HLCS: variants seen among roughly 807,000 people sequenced by gnomAD.
HLCS encodes the protein holocarboxylase synthetase.
A neutral mutation model predicts 75.0 loss-of-function variants in HLCS; 53 were observed. That is an observed-to-expected ratio of 0.71 (90% CI 0.57 to 0.89). The LOEUF is 0.89. HLCS is among the 40% of genes least tolerant of loss of function. The pLI is 0.00. For synonymous variants in HLCS, 431 were observed against 428.6 expected (o/e 1.01, Z -0.07); for missense variants, 966 against 1,074.0 (o/e 0.90, Z 1.41).
intron 6 of HLCS, among the ~76,000 whole-genome samples, chr21:36,832,623 A>C (rs572493332): frequency 6.6e-6 from 1 of 152,342 alleles, no homozygotes; most frequent in South Asian, 2.1e-4. Flanking sequence ...AAGGCATAGA[A>C]AGGTTAAGTG....
intron 6 of HLCS, among the ~76,000 whole-genome samples, chr21:36,834,579 C>T (rs3787762): frequency 0.1 from 15,363 of 151,908 alleles, 906 homozygotes; most frequent in South Asian, 0.16. Flanking sequence ...TTTTTTGAGA[C>T]GGAGTCTCAC....
intron 6 of HLCS, among the ~76,000 whole-genome samples, chr21:36,815,434 C>T (rs1038706931): frequency 1.3e-5 from 2 of 152,202 alleles, no homozygotes; most frequent in Non-Finnish European, 2.9e-5. Flanking sequence ...GTCATCCACA[C>T]TAAGACATGA....
At chr21:36,989,729 C>T (rs911176618) in intron 1 of HLCS, among the ~76,000 whole-genome samples, 1 of 152,224 alleles carries the variant, frequency 6.6e-6, no homozygotes, top group Non-Finnish European at 1.5e-5. Flanking sequence ...AGGTCCTAGT[C>T]AACCGTGCTT....
chr21:36,905,894 T>C (rs2146372711), intron 5 of HLCS, among the ~76,000 whole-genome samples: 1 of 151,786 alleles, frequency 6.6e-6, no homozygotes, highest in Middle Eastern at 3.4e-3. Flanking sequence ...TCTACAAAAA[T>C]ACAAAATTAG....
chr21:36,918,816 C>T (rs1430420199), intron 5 of HLCS, among the ~76,000 whole-genome samples: 1 of 152,186 alleles, frequency 6.6e-6, no homozygotes, highest in African/African-American at 2.4e-5. Context: ...CAACTTTGCC[C>T]TAAAAGTTAC....
At chr21:36,765,811 T>A (rs567813631) in intron 7 of HLCS, among the ~76,000 whole-genome samples, 1 of 152,154 alleles carries the variant, frequency 6.6e-6, no homozygotes, top group Non-Finnish European at 1.5e-5. Flanking sequence ...CATTCCCAGG[T>A]AAGTTTTGTA....
At chr21:36,979,065 T>C (rs2154532) in intron 1 of HLCS, among the ~76,000 whole-genome samples, 56,040 of 151,304 alleles carry the variant, frequency 0.37, 10,431 homozygotes, top group East Asian at 0.5. Flanking sequence ...GTCAGGAGAT[T>C]GAGACCATCC....
intron 5 of HLCS, among the ~76,000 whole-genome samples, chr21:36,924,509 G>A (rs945735708): frequency 2.0e-5 from 3 of 152,150 alleles, no homozygotes; most frequent in African/African-American, 7.2e-5. Context: ...GCAGTGAGCA[G>A]AGATTGCACC....
chr21:36,966,893 G>GCGA (rs1208484479), upstream of HLCS, among the ~76,000 whole-genome samples: 3 of 151,204 alleles, frequency 2.0e-5, no homozygotes, highest in African/African-American at 7.3e-5. Context: ...GGTGGCGGCG[G>GCGA]CGAGGGGCAG....
intron 5 of HLCS, among the ~76,000 whole-genome samples, chr21:36,909,559 T>C (rs917037604): frequency 6.6e-6 from 1 of 152,166 alleles, no homozygotes; most frequent in Non-Finnish European, 1.5e-5. Context: ...AGAGTGCAAT[T>C]AAGATCAGAA....
chr21:36,904,054 T>A (rs2065348775), intron 5 of HLCS, among the ~76,000 whole-genome samples: 1 of 152,168 alleles, frequency 6.6e-6, no homozygotes, highest in African/African-American at 2.4e-5. Flanking sequence ...ACTCTTGGAT[T>A]TTCCAGTCTC....
At chr21:36,951,789 A>C (rs1296920936) in intron 2 of HLCS, among the ~76,000 whole-genome samples, 1 of 152,252 alleles carries the variant, frequency 6.6e-6, no homozygotes, top group Non-Finnish European at 1.5e-5. Flanking sequence ...TACTAAATGC[A>C]ATTGCTAATA....
intron 6 of HLCS, among the ~76,000 whole-genome samples, chr21:36,819,147 G>A (rs2061751033): frequency 6.6e-6 from 1 of 152,188 alleles, no homozygotes; most frequent in African/African-American, 2.4e-5. Context: ...AATCCACATG[G>A]TGTGTTTGTT....
Position 36,772,988 on chromosome 21 carries a change from A to AG in HLCS, c.1893-5704_1893-5703insC, listed in dbSNP as rs927267626. ...GAACAAGACTCCATCTCAAAAAAAA[A>AG]AAAAAAAAGGTGGAAGTGTGGAAGT... On this transcript the variant is annotated intron_variant, in intron 6 of 10. Coordinates refer to ENST00000674895, the MANE Select transcript of HLCS (RefSeq NM_001352514.2). Among the ~76,000 whole-genome samples the AG allele has an allele frequency of 9.2e-5, 14 of 151,952 alleles. No homozygotes were observed. In the East Asian group the frequency reaches 2.5e-3, roughly 27 times the overall value.
chr21:36,885,234 C>T (rs759817563), intron 6 of HLCS, among the ~76,000 whole-genome samples: 7 of 152,152 alleles, frequency 4.6e-5, no homozygotes, highest in Non-Finnish European at 1.0e-4. Context: ...ACACCAGGCA[C>T]GGTGGCTCAT....
chr21:36,887,846 C>T (rs2146295996), intron 6 of HLCS, among the ~76,000 whole-genome samples: 1 of 152,276 alleles, frequency 6.6e-6, no homozygotes, highest in Middle Eastern at 3.4e-3. Flanking sequence ...TTATTCTTTG[C>T]TCATTACCTA....
intron 2 of HLCS, among the ~76,000 whole-genome samples, chr21:36,952,232 C>T (rs1212947504): frequency 6.6e-6 from 1 of 152,156 alleles, no homozygotes; most frequent in Non-Finnish European, 1.5e-5. Context: ...AATGCAAAAT[C>T]CCATCAAGCA....
chr21:36,970,211 T>C (rs183464197), upstream of HLCS, among the ~76,000 whole-genome samples: 83 of 152,328 alleles, frequency 5.4e-4, no homozygotes, highest in Middle Eastern at 0.014. Flanking sequence ...ATCAGTCAAA[T>C]GGCCAGAGCT....
At chr21:36,863,964 G>A (rs772652282) in intron 6 of HLCS, among the ~76,000 whole-genome samples, 49 of 152,166 alleles carry the variant, frequency 3.2e-4, no homozygotes, top group Non-Finnish European at 6.2e-4. Flanking sequence ...AAAGTTTTCC[G>A]TCTAAGCTAG....
Sources: allele counts gnomAD v4.1 joint callset (sites outside exome capture counted in the v4.1 genomes callset), GRCh38; gene constraint gnomAD v4.1.1; transcripts MANE v1.5; gene names NCBI Gene and HGNC (gene_info 2026-07-23, HGNC 2026-07-21).